Variants in ZNF385D observed in about 807,000 individuals in gnomAD.
ZNF385D encodes the protein zinc finger protein 659.
A neutral mutation model predicts 35.8 loss-of-function variants in ZNF385D; 15 were observed. That is an observed-to-expected ratio of 0.42 (90% CI 0.28 to 0.64). The LOEUF (loss-of-function observed/expected upper bound fraction) is 0.64. ZNF385D is among the 30% of genes least tolerant of loss of function. ZNF385D has a pLI of 0.23. For synonymous variants in ZNF385D, 212 were observed against 186.8 expected (o/e 1.13, Z -1.10); for missense variants, 474 against 494.6 (o/e 0.96, Z 0.39).
chr3:21,528,105 T>C (rs1575110732), intron 3 of ZNF385D, among the ~76,000 whole-genome samples: 1 of 152,286 alleles, frequency 6.6e-6, no homozygotes, highest in Non-Finnish European at 1.5e-5. Context: ...TCTCCAAAGT[T>C]CATTGCACCA....
At chr3:21,453,409 A>T (rs1702590071) in intron 4 of ZNF385D, among the ~76,000 whole-genome samples, 1 of 152,012 alleles carries the variant, frequency 6.6e-6, no homozygotes, top group Admixed American at 6.6e-5. Context: ...GTAAAAAAAC[A>T]CTACCAAAAA....
At chr3:21,688,537 C>G (rs757386740) in intron 1 of ZNF385D, among the ~76,000 whole-genome samples, 1 of 152,078 alleles carries the variant, frequency 6.6e-6, no homozygotes, top group South Asian at 2.1e-4. Context: ...GAAAACAAGT[C>G]TTTATCACAG....
chr3:21,973,574 T>C (rs147107942), intron 3 of ZNF385D, among the ~76,000 whole-genome samples: 27 of 151,514 alleles, frequency 1.8e-4, no homozygotes, highest in Admixed American at 5.9e-4. Flanking sequence ...GCTAGACCAA[T>C]AGGAGAAGAG....
At chr3:21,597,836 A>C (rs2064168648) in intron 2 of ZNF385D, among the ~76,000 whole-genome samples, 2 of 152,190 alleles carry the variant, frequency 1.3e-5, no homozygotes, top group African/African-American at 2.4e-5. Flanking sequence ...CAGTCTTTAG[A>C]AGGTGTGATC....
chr3:22,040,492 A>G (rs897123883), intron 3 of ZNF385D, among the ~76,000 whole-genome samples: 2 of 152,202 alleles, frequency 1.3e-5, no homozygotes, highest in African/African-American at 4.8e-5. Flanking sequence ...GTGATAGGAA[A>G]TTGTAATTTT....
intron 3 of ZNF385D, among the ~76,000 whole-genome samples, chr3:21,545,847 T>C (rs1316570474): frequency 6.6e-6 from 1 of 152,152 alleles, no homozygotes; most frequent in Non-Finnish European, 1.5e-5. Context: ...CAAGTTTATC[T>C]TGGGACCTCA....
chr3:21,722,748 C>G (rs1191566893), intron 1 of ZNF385D, among the ~76,000 whole-genome samples: 1 of 152,176 alleles, frequency 6.6e-6, no homozygotes, highest in African/African-American at 2.4e-5. Context: ...TGTTTCAAAC[C>G]AATTTTGAAG....
chr3:21,817,859 C>G (rs1255747656), intron 3 of ZNF385D, among the ~76,000 whole-genome samples: 1 of 152,134 alleles, frequency 6.6e-6, no homozygotes, highest in Admixed American at 6.5e-5. Context: ...AATCATGCTG[C>G]TATAAAGACA....
chr3:22,251,807 G>A (rs1399401074), intron 2 of ZNF385D, among the ~76,000 whole-genome samples: 4 of 152,056 alleles, frequency 2.6e-5, no homozygotes, highest in Admixed American at 1.3e-4. Flanking sequence ...GGATCTTAGA[G>A]ACACTAATTT....
intron 3 of ZNF385D, among the ~76,000 whole-genome samples, chr3:21,856,684 C>G (rs879347851): frequency 6.6e-6 from 1 of 152,088 alleles, no homozygotes; most frequent in Non-Finnish European, 1.5e-5. Flanking sequence ...AAGCCACCAT[C>G]ATCTCTTGCC....
At chr3:22,303,779 C>CT (rs751197956) in intron 2 of ZNF385D, among the ~76,000 whole-genome samples, 3 of 151,890 alleles carry the variant, frequency 2.0e-5, no homozygotes, top group East Asian at 1.9e-4. Flanking sequence ...GTTTCCTTTT[C>CT]TTTTTTTTCT....
chr3:22,148,285 T>C (rs927945245), intron 3 of ZNF385D, among the ~76,000 whole-genome samples: 4 of 152,186 alleles, frequency 2.6e-5, no homozygotes, highest in African/African-American at 9.6e-5. Flanking sequence ...GTAAAAGTCT[T>C]ATACTTAAGT....
rs913132093 is a variant in ZNF385D, at chr3:21,916,927, T to A, written c.325+251890A>T. On this transcript the variant is annotated intron_variant, in intron 3 of 5. Transcript: ENST00000494108. ...TACCAATTTCCAATCCCATTCTGTA[T>A]GTCGATTAGCGTTAGCTCCCCCACA... 3.3e-5 allele frequency among the ~76,000 whole-genome samples: 5 copies of A among 152,202 alleles called. No homozygotes were observed. The East Asian group carries it at 9.6e-4, about 29-fold the overall frequency.
intron 3 of ZNF385D, among the ~76,000 whole-genome samples, chr3:21,832,968 A>G (rs934390731): frequency 6.6e-6 from 1 of 152,186 alleles, no homozygotes; most frequent in Non-Finnish European, 1.5e-5. Context: ...TATAAAAATC[A>G]ATCTTATTTC....
intron 3 of ZNF385D, among the ~76,000 whole-genome samples, chr3:21,997,870 CGCGT>C (rs771641198): frequency 0.022 from 1,372 of 62,190 alleles, 8 homozygotes; most frequent in African/African-American, 0.045. Context: ...CGCGCGCGCG[CGCGT>C]GTGTGTGTGT....
intron 2 of ZNF385D, among the ~76,000 whole-genome samples, chr3:21,664,465 C>T (rs2066340334): frequency 6.6e-6 from 1 of 152,034 alleles, no homozygotes. Context: ...TTGTCAAGGT[C>T]CTATTTATTA....
At chr3:21,438,295 A>G (rs1225878992) in intron 4 of ZNF385D, among the ~76,000 whole-genome samples, 1 of 152,150 alleles carries the variant, frequency 6.6e-6, no homozygotes, top group African/African-American at 2.4e-5. Flanking sequence ...CTCCAGCTAC[A>G]TCTGCTATTG....
At chr3:21,943,203 T>C (rs554387944) in intron 3 of ZNF385D, among the ~76,000 whole-genome samples, 1 of 152,022 alleles carries the variant, frequency 6.6e-6, no homozygotes, top group African/African-American at 2.4e-5. Context: ...AAAGGCATCT[T>C]GAAGAAATAA....
chr3:21,766,219 T>C (rs1369642591), intron 3 of ZNF385D, among the ~76,000 whole-genome samples: 1 of 152,096 alleles, frequency 6.6e-6, no homozygotes, highest in East Asian at 1.9e-4. Context: ...TTAATGTCTA[T>C]CCTCCACTGA....
Sources: allele counts gnomAD v4.1 joint callset (sites outside exome capture counted in the v4.1 genomes callset), GRCh38; gene constraint gnomAD v4.1.1; transcripts MANE v1.5; gene names NCBI Gene and HGNC (gene_info 2026-07-23, HGNC 2026-07-21).